The following MPHOSPH10 variants were observed in gnomAD, a reference collection of about 807,000 sequenced individuals.
The protein encoded by MPHOSPH10 is U3 small nucleolar ribonucleoprotein MPP10.
Under a neutral mutation model 77.3 loss-of-function variants are expected in MPHOSPH10, and 33 were observed. The ratio of observed to expected loss-of-function variants is 0.43; its 90% CI spans 0.32 to 0.57. The LOEUF (loss-of-function observed/expected upper bound fraction) is 0.57, where lower values mean the gene tolerates loss of function less well. Among genes scored for constraint, MPHOSPH10 ranks in the 20% least tolerant of loss-of-function variants. The probability of loss-of-function intolerance (pLI) is 0.07; values close to 1 mark genes in which losing one functional copy is unlikely to be tolerated. For missense variants in MPHOSPH10, 708 were observed against 780.1 expected, an observed-to-expected ratio of 0.91 and a Z score of 1.10; for synonymous variants, 245 against 268.0, an observed-to-expected ratio of 0.91 and a Z score of 0.84.
intron 9 of MPHOSPH10, 82 bp downstream of exon 9, chr2:71,148,188 G>A: frequency 8.3e-7 from 1 of 1,206,168 alleles, no homozygotes; most frequent in Non-Finnish European, 1.2e-6. Context: ...GACGTCATTT[G>A]CCTTGCACTT....
chr2:71,135,439 C>A (rs970472438), intron 4 of MPHOSPH10, among the ~76,000 whole-genome samples: 2 of 150,674 alleles, frequency 1.3e-5, no homozygotes, highest in Non-Finnish European at 3.0e-5. Context: ...CCCAGCTAAT[C>A]GGGAGGCTGA....
In MPHOSPH10 at chr2:71,133,402, C is replaced by T; in HGVS notation, c.594C>T (p.Ser198=). Residue 198 remains serine (S), a synonymous_variant, in exon 2 of 11, where the codon TCC becomes TCT. Coordinates refer to ENST00000244230, the MANE Select transcript of MPHOSPH10 (RefSeq NM_005791.3). ...NKGQGKPREK[S]IVDDKFFKLS... ...GACAGGGAAAACCAAGAGAAAAGTC[C>T]ATAGTAGATGATAAATTCTTCAAAC... The T allele has an allele frequency of 6.2e-7, 1 of 1,613,988 alleles. No homozygotes were observed. Among genetic ancestry groups the T allele is most frequent in the Non-Finnish European group, 8.5e-7 (1 of 1,179,992 alleles).
chr2:71,131,379 G>T (rs192710855), intron 1 of MPHOSPH10, among the ~76,000 whole-genome samples: 1 of 152,224 alleles, frequency 6.6e-6, no homozygotes, highest in South Asian at 2.1e-4. Context: ...TAAAATTTTG[G>T]TACTGTCAAG....
At chr2:71,136,995 A>C (rs1181737350) in intron 4 of MPHOSPH10, among the ~76,000 whole-genome samples, 1 of 150,960 alleles carries the variant, frequency 6.6e-6, no homozygotes, top group East Asian at 1.9e-4. Flanking sequence ...TGATGCAAAA[A>C]TCCTACAGCA....
At chr2:71,141,099 A>G (rs979571643) in intron 6 of MPHOSPH10, 133 bp from the exon 7 acceptor site, 1 of 372,950 alleles carries the variant, frequency 2.7e-6, no homozygotes, top group African/African-American at 2.2e-5. Context: ...ATAATTTACT[A>G]TTAATATATT....
chr2:71,130,784 C>T, intron 1 of MPHOSPH10, 30 bp downstream of exon 1: 3 of 1,577,880 alleles, frequency 1.9e-6, no homozygotes, highest in Non-Finnish European at 2.6e-6. Context: ...GCTCGGGGTG[C>T]GACCGGGGTC....
intron 5 of MPHOSPH10, 155 bp downstream of exon 5, chr2:71,138,786 G>A: frequency 1.8e-6 from 2 of 1,090,598 alleles, no homozygotes; most frequent in Non-Finnish European, 2.7e-6. Flanking sequence ...TGTAATCCCG[G>A]CACTTTGGGA....
At chr2:71,132,175 G>C (rs952953928) in intron 1 of MPHOSPH10, among the ~76,000 whole-genome samples, 1 of 152,030 alleles carries the variant, frequency 6.6e-6, no homozygotes, top group South Asian at 2.1e-4. Context: ...TTATCCTTTC[G>C]CTGGAATGCT....
intron 7 of MPHOSPH10, 46 bp downstream of exon 7, chr2:71,141,415 A>G (rs746137519): frequency 3.0e-5 from 42 of 1,404,446 alleles, no homozygotes; most frequent in Non-Finnish European, 3.4e-5. Context: ...AAGAAATAGA[A>G]GTAGAGAACT....
chr2:71,143,664 C>T (rs1044458806), intron 7 of MPHOSPH10, among the ~76,000 whole-genome samples: 1 of 152,204 alleles, frequency 6.6e-6, no homozygotes, highest in Non-Finnish European at 1.5e-5. Flanking sequence ...TGCATTCTAT[C>T]TCTGTGGATT....
At chr2:71,147,769 GCTGCCCCTCAGCA>G (rs1232942239) in intron 8 of MPHOSPH10, among the ~76,000 whole-genome samples, 4 of 152,236 alleles carry the variant, frequency 2.6e-5, no homozygotes, top group African/African-American at 7.2e-5. Context: ...CTGAAGCAGT[GCTGCCCCTCAGCA>G]CTGCCGTCAT....
chr2:71,134,333 ATT>A (rs201774566), intron 3 of MPHOSPH10, among the ~76,000 whole-genome samples: 1,929 of 152,314 alleles, frequency 0.013, 36 homozygotes, highest in African/African-American at 0.043. Context: ...AGGAACTTTG[ATT>A]TGGTTTTGTG....
chr2:71,149,907 C>G lies in MPHOSPH10; in HGVS notation c.1938C>G (p.Phe646Leu). ...KDKALKSSQAFFSKLQDQVKM... is the reference protein window; with the variant it reads ...KDKALKSSQALFSKLQDQVKM... ...AGGCCTTAAAGTCCTCTCAAGCATT[C>G]TTTTCTAAATTACAAGATCAAGTAA... Residue 646 changes from phenylalanine (F) to leucine (L), a missense_variant, in exon 11 of 11, where the codon TTC becomes TTG. This residue lies in a region of MPHOSPH10 where 263 missense variants were observed against 320.0 expected (regional missense o/e 0.82). Transcript: ENST00000244230. 1.3e-6 allele frequency: 2 copies of G among 1,573,370 alleles called. No homozygotes were observed. The highest frequency in any genetic ancestry group is 1.7e-6 in the Non-Finnish European group (2 of 1,168,004).
At chr2:71,131,121 C>T (rs1220548871) in intron 1 of MPHOSPH10, among the ~76,000 whole-genome samples, 1 of 152,230 alleles carries the variant, frequency 6.6e-6, no homozygotes, top group Non-Finnish European at 1.5e-5. Flanking sequence ...GAACTTGTCA[C>T]TTGTCTGTCC....
Position 71,132,964 on chromosome 2 carries a change from A to G in MPHOSPH10, c.156A>G (p.Ile52Met). 6.2e-7 allele frequency: 1 copy of G among 1,613,980 alleles called. No homozygotes were observed. Among genetic ancestry groups the G allele is most frequent in the Non-Finnish European group, 8.5e-7 (1 of 1,179,952 alleles). The part of the protein sequence containing the change: ...LTKVLYDFNK[I>M]LENGRIHGSP... ...AAGTGCTTTATGACTTTAATAAAAT[A>G]TTAGAGAATGGTAGGATCCATGGAA... is the stretch of plus-strand genomic sequence containing the variant. The change falls in exon 2 of 11, where the codon ATA (isoleucine) becomes ATG (methionine). Residue 52 changes from isoleucine to methionine, a missense_variant. Transcript: ENST00000244230.
intron 1 of MPHOSPH10, among the ~76,000 whole-genome samples, 168 bp from the exon 2 acceptor site, chr2:71,132,730 T>C (rs1306758261): frequency 6.6e-6 from 1 of 152,258 alleles, no homozygotes; most frequent in African/African-American, 2.4e-5. Context: ...TGACAGGTTT[T>C]ATATATCAGT....
chr2:71,135,520 C>T, intron 4 of MPHOSPH10, among the ~76,000 whole-genome samples: 1 of 151,798 alleles, frequency 6.6e-6, no homozygotes, highest in East Asian at 1.9e-4. Flanking sequence ...GGACTCCAGC[C>T]TGGGCGACAG....
chr2:71,134,584 G>T, intron 3 of MPHOSPH10, 42 bp from the exon 4 acceptor site: 1 of 1,526,646 alleles, frequency 6.6e-7, no homozygotes, highest in Non-Finnish European at 8.8e-7. Flanking sequence ...TTTTCTAATG[G>T]AAAGTAGTAT....
intron 7 of MPHOSPH10, among the ~76,000 whole-genome samples, chr2:71,143,186 G>T (rs1673642807): frequency 6.7e-6 from 1 of 149,020 alleles, no homozygotes; most frequent in African/African-American, 2.5e-5. Context: ...TCGGTTGCCA[G>T]GCTGGAGTGC....
Sources: gnomAD v4.1 joint callset for allele counts (sites outside exome capture counted in the v4.1 genomes callset) on GRCh38, gnomAD v4.1.1 for gene constraint, gnomAD v4.1.1 regional missense constraint, MANE v1.5 for transcripts, NCBI Gene and HGNC (gene_info 2026-07-23, HGNC 2026-07-21) for gene names.